CRACD: variants seen among roughly 807,000 people sequenced by gnomAD.
CRACD encodes the protein capping protein-inhibiting regulator of actin dynamics.
Under a neutral mutation model 106.8 loss-of-function variants are expected in CRACD, and 56 were observed. That is an observed-to-expected ratio of 0.52 (90% CI 0.42 to 0.66). The LOEUF (loss-of-function observed/expected upper bound fraction) is 0.66. Among genes scored for constraint, CRACD ranks in the 30% least tolerant of loss-of-function variants. The pLI is 0.00. For missense variants in CRACD, 1,730 were observed against 1,623.2 expected (o/e 1.07, Z -1.13); for synonymous variants, 754 against 670.8 (o/e 1.12, Z -1.92).
At chr4:56,260,593 A>G (rs974023184) in intron 2 of CRACD, among the ~76,000 whole-genome samples, 1 of 152,192 alleles carries the variant, frequency 6.6e-6, no homozygotes, top group African/African-American at 2.4e-5. Flanking sequence ...TTATAGGTGT[A>G]ATGAAAGTCC....
chr4:56,308,816 A>G, intron 5 of CRACD: 1 of 1,281,674 alleles, frequency 7.8e-7, no homozygotes, highest in Non-Finnish European at 1.0e-6. Context: ...AGCAACAGCC[A>G]TCGCCTTGGT....
chr4:56,110,759 G>A (rs901682774), intron 1 of CRACD, among the ~76,000 whole-genome samples: 20 of 152,118 alleles, frequency 1.3e-4, no homozygotes, highest in African/African-American at 4.6e-4. Flanking sequence ...ATCACGCCTT[G>A]CTGATTTTTG....
In CRACD at chr4:56,131,600, A is replaced by G. The variant is rs1734827258; in HGVS notation, c.-335-47684A>G. Among the ~76,000 whole-genome samples, 5 of 152,202 alleles carry G rather than the reference A, an allele frequency of 3.3e-5. No homozygotes were observed. The South Asian group carries it at 1.0e-3, about 32-fold the overall frequency. On this transcript the variant is annotated intron_variant, in intron 1 of 10. Transcript: ENST00000682029. ...ACAGCAATCCCAGGGGATTCTGAAC[A>G]TAATGGATCTGGGGAGACACTGTTC...
At chr4:56,163,639 A>T (rs1736035984) in intron 1 of CRACD, among the ~76,000 whole-genome samples, 1 of 152,224 alleles carries the variant, frequency 6.6e-6, no homozygotes, top group South Asian at 2.1e-4. Flanking sequence ...ATACAATGAG[A>T]AAAAATATCT....
At chr4:56,161,120 T>C (rs577501338) in intron 1 of CRACD, among the ~76,000 whole-genome samples, 4 of 152,358 alleles carry the variant, frequency 2.6e-5, no homozygotes, top group Admixed American at 2.6e-4. Context: ...TCATTATTCT[T>C]GGTAATGGTA....
intron 1 of CRACD, among the ~76,000 whole-genome samples, chr4:56,154,620 C>T (rs528252836): frequency 5.1e-4 from 78 of 152,218 alleles, no homozygotes; most frequent in African/African-American, 1.8e-3. Context: ...ATTCCCTTAT[C>T]TTTAAAATAA....
chr4:56,316,899 T>C (rs1308982485), intron 8 of CRACD, among the ~76,000 whole-genome samples: 1 of 152,320 alleles, frequency 6.6e-6, no homozygotes, highest in South Asian at 2.1e-4. Flanking sequence ...GGAGCATTTA[T>C]GGACCTTAAG....
rs113397865 is a variant in CRACD at position 56,093,163 on chromosome 4, A to G, written c.-336+43864A>G. ...TCTTATCTGTTAAATGAGACCCATA[A>G]TGCTACCTAGTAGGGTTATTTTGAG... On this transcript the variant is annotated intron_variant, in intron 1 of 10. Transcript: ENST00000682029. 9.9e-3 allele frequency among the ~76,000 whole-genome samples: 1,503 copies of G among 152,274 alleles called. 27 individuals carry two copies. The highest frequency in any genetic ancestry group is 0.035 in the African/African-American group (1,437 of 41,542).
chr4:56,318,536 C>T (rs1745836935), intron 8 of CRACD, among the ~76,000 whole-genome samples: 3 of 152,206 alleles, frequency 2.0e-5, no homozygotes, highest in Admixed American at 2.0e-4. Context: ...TGCTCACTTC[C>T]TTCTCTTAGG....
At chr4:56,237,741 C>T (rs937461285) in intron 2 of CRACD, among the ~76,000 whole-genome samples, 4 of 150,962 alleles carry the variant, frequency 2.6e-5, no homozygotes, top group African/African-American at 7.3e-5. Context: ...CACACACACA[C>T]ACACACACAC....
At chr4:56,107,735 T>C (rs1332031052) in intron 1 of CRACD, among the ~76,000 whole-genome samples, 1 of 152,196 alleles carries the variant, frequency 6.6e-6, no homozygotes, top group African/African-American at 2.4e-5. Context: ...CTGGCTGAGA[T>C]GGGCATTTAC....
At chr4:56,109,618 T>C (rs2127196) in intron 1 of CRACD, among the ~76,000 whole-genome samples, 72,101 of 152,056 alleles carry the variant, frequency 0.47, 18,387 homozygotes, top group African/African-American at 0.66. Context: ...TATAGGTTAA[T>C]ATTAGGAAAG....
intron 2 of CRACD, among the ~76,000 whole-genome samples, chr4:56,222,973 TCAAA>T (rs1407959306): frequency 1.1e-4 from 16 of 149,550 alleles, no homozygotes; most frequent in African/African-American, 3.9e-4. Flanking sequence ...AGACTCCGTC[TCAAA>T]CAAACAAACA....
Position 56,295,969 on chromosome 4 carries a change from A to G in CRACD, c.-16-2245A>G, listed in dbSNP as rs1000016538. ...TGCATGTTTCCTAAAAGAGTGCCTC[A>G]TATTTCATAAAGGGAATTGCTGCTA... On this transcript the variant is annotated intron_variant, in intron 3 of 10. Transcript: ENST00000682029. Among the ~76,000 whole-genome samples, 3 of 152,244 alleles carry G rather than the reference A, an allele frequency of 2.0e-5. No homozygotes were observed. In the South Asian group the frequency reaches 6.2e-4, roughly 32 times the overall value.
chr4:56,297,086 AT>A (rs1744098076), intron 3 of CRACD, among the ~76,000 whole-genome samples: 1 of 151,722 alleles, frequency 6.6e-6, no homozygotes, highest in South Asian at 2.1e-4. Flanking sequence ...TGCCCGGCTA[AT>A]TTTTTTGTTT....
chr4:56,136,865 A>G (rs1735021748), intron 1 of CRACD, among the ~76,000 whole-genome samples: 1 of 152,174 alleles, frequency 6.6e-6, no homozygotes, highest in South Asian at 2.1e-4. Context: ...CATTTTTTCT[A>G]GAAGTTTTAT....
intron 9 of CRACD, among the ~76,000 whole-genome samples, 170 bp downstream of exon 9, chr4:56,323,737 A>T (rs559354617): frequency 6.6e-6 from 1 of 152,308 alleles, no homozygotes; most frequent in African/African-American, 2.4e-5. Flanking sequence ...TCAGTGTGAA[A>T]CTGGGTTTGG....
At chr4:56,233,851 G>C (rs1460692640) in intron 2 of CRACD, among the ~76,000 whole-genome samples, 1 of 152,044 alleles carries the variant, frequency 6.6e-6, no homozygotes, top group Non-Finnish European at 1.5e-5. Flanking sequence ...CAATTATTAA[G>C]TTATTTTTTA....
chr4:56,214,476 C>A (rs1738559709), intron 2 of CRACD, among the ~76,000 whole-genome samples: 2 of 151,800 alleles, frequency 1.3e-5, no homozygotes, highest in Admixed American at 1.3e-4. Context: ...CCTGTAATCC[C>A]AGCTACTTGG....
Sources: gnomAD v4.1 joint callset for allele counts (sites outside exome capture counted in the v4.1 genomes callset) on GRCh38, gnomAD v4.1.1 for gene constraint, MANE v1.5 for transcripts, NCBI Gene and HGNC (gene_info 2026-07-23, HGNC 2026-07-21) for gene names.